The following LBP variants were observed in gnomAD, a reference collection of about 807,000 sequenced individuals.
LBP encodes the protein lipopolysaccharide-binding protein.
LBP carries 53 observed loss-of-function variants against 56.6 expected under a neutral mutation model. The observed-to-expected ratio is 0.94, with a 90% CI of 0.75 to 1.18. The LOEUF is 1.18. LBP is among the 50% of genes most tolerant of loss of function. The probability of loss-of-function intolerance (pLI) is 0.00; values close to 1 mark genes in which losing one functional copy is unlikely to be tolerated. For synonymous variants in LBP, 227 were observed against 247.5 expected, an observed-to-expected ratio of 0.92 and a Z score of 0.78; for missense variants, 601 against 598.3, an observed-to-expected ratio of 1.00 and a Z score of -0.05.
chr20:38,364,543 A>C (rs1198006149), intron 7 of LBP, 33 bp from the exon 8 acceptor site: 1 of 1,612,036 alleles, frequency 6.2e-7, no homozygotes, highest in South Asian at 1.1e-5. Flanking sequence ...ATAGGCTTTG[A>C]AAAGTCCAAT....
At chr20:38,352,517 G>A (rs1341204503) in intron 3 of LBP, among the ~76,000 whole-genome samples, 1 of 152,230 alleles carries the variant, frequency 6.6e-6, no homozygotes, top group Non-Finnish European at 1.5e-5. Flanking sequence ...CACTTTGGGA[G>A]GCTGAGGCAG....
intron 6 of LBP, among the ~76,000 whole-genome samples, chr20:38,361,097 G>A (rs1348702751): frequency 3.3e-5 from 5 of 151,686 alleles, no homozygotes; most frequent in African/African-American, 1.2e-4. Flanking sequence ...AGAAGGTGGA[G>A]GTTGCAGTGA....
chr20:38,371,524 G>T (rs1259569590), intron 12 of LBP, among the ~76,000 whole-genome samples: 1 of 152,140 alleles, frequency 6.6e-6, no homozygotes, highest in Non-Finnish European at 1.5e-5. Context: ...ATATAATTAA[G>T]TCATCTACTG....
chr20:38,348,824 C>G (rs6099236), intron 1 of LBP, among the ~76,000 whole-genome samples: 115,446 of 150,786 alleles, frequency 0.77, 44,374 homozygotes, highest in Admixed American at 0.82. Context: ...GACAGAGTCT[C>G]ACTCTGTCGC....
At position 38,355,389 on chromosome 20, in the gene LBP, C is replaced by T. The variant is rs776944833; in HGVS notation, c.568C>T (p.Gln190Ter). 5 of 1,613,748 alleles carry T rather than the reference C, an allele frequency of 3.1e-6. No individual in the cohort carries two copies. Among genetic ancestry groups the T allele is most frequent in the East Asian group, 4.5e-5 (2 of 44,876 alleles). ...LFHNQIESKF[Q>*]KVLESRICEM... is the part of the protein sequence containing the mutation. ...CCACAACCAGATTGAGTCCAAGTTC[C>T]AGAAAGTACTGGAGAGCAGGGTAAG... The change falls in exon 5 of 15, where the codon CAG (glutamine) becomes TAG (stop). Residue 190 changes from glutamine to a stop codon, truncating the protein, a stop_gained. Coordinates refer to ENST00000217407, the MANE Select transcript of LBP (RefSeq NM_004139.5). LOFTEE classifies it high-confidence loss of function.
intron 9 of LBP, 47 bp from the exon 10 acceptor site, chr20:38,368,948 C>T (rs773647428): frequency 1.3e-6 from 2 of 1,588,096 alleles, no homozygotes; most frequent in South Asian, 2.2e-5. Context: ...TCCTGGCAGA[C>T]TTGTATATTT....
intron 1 of LBP, among the ~76,000 whole-genome samples, chr20:38,348,118 G>A (rs2076807224): frequency 6.6e-6 from 1 of 152,184 alleles, no homozygotes; most frequent in African/African-American, 2.4e-5. Context: ...AGGGGAGGCT[G>A]CTGGTCATCT....
chr20:38,354,396 A>G lies in LBP; in HGVS notation c.481A>G (p.Ser161Gly). 1.9e-6 allele frequency: 3 copies of G among 1,613,442 alleles called. No homozygotes were observed. The highest frequency in any genetic ancestry group is 2.5e-6 in the Non-Finnish European group (3 of 1,179,920). Residue 161 changes from serine (S) to glycine (G), a missense_variant, in exon 4 of 15, where the codon AGT becomes GGT. Physicochemically the swap from Ser to Gly is moderately conservative, Grantham distance 56. Transcript: ENST00000217407. Reference protein sequence around the residue: ...RPTVTASSCSSDIADVEVDMS... With the variant: ...RPTVTASSCSGDIADVEVDMS... ...CACAGTTACTGCCTCCAGCTGCAGC[A>G]GTGACATCGCTGACGTGGAGGTGGA...
intron 8 of LBP, among the ~76,000 whole-genome samples, chr20:38,366,490 T>G (rs2076882386): frequency 6.6e-6 from 1 of 152,104 alleles, no homozygotes; most frequent in Non-Finnish European, 1.5e-5. Context: ...GATCACAAAG[T>G]CAGGACACAA....
chr20:38,355,337 T>C lies in LBP; in HGVS notation c.525-9T>C. 1.2e-6 allele frequency: 2 copies of C among 1,613,560 alleles called. No homozygotes were observed. Among genetic ancestry groups the C allele is most frequent in the Non-Finnish European group, 1.7e-6 (2 of 1,179,814 alleles). ...CAAGTTCAGTGGCAGACTGTGCTTC[T>C]CTCCCCAGGTGGCTGTTGAACCTCT... On this transcript the variant is annotated splice_polypyrimidine_tract_variant and intron_variant, in intron 4 of 14. Coordinates refer to ENST00000217407, the MANE Select transcript of LBP (RefSeq NM_004139.5).
Position 38,376,965 on chromosome 20 carries a change from A to G in LBP, c.*296A>G. On this transcript the variant is annotated 3_prime_UTR_variant, in exon 15 of 15. Coordinates refer to ENST00000217407, the MANE Select transcript of LBP (RefSeq NM_004139.5). ...TCGCCATCTGATCCCCATGCCTAGC[A>G]GAGTGCTGGCACTTAGTAGGTCCTC... The G allele has an allele frequency of 1.8e-6, 1 of 562,188 alleles. No homozygotes were observed. The highest frequency in any genetic ancestry group is 3.4e-6 in the Non-Finnish European group (1 of 295,554). The allele number at this position is 562,188 out of a possible 1,614,324, so 34.8% of individuals were successfully genotyped here. A position where few individuals can be genotyped will look rare whatever the true frequency, so the allele number is the denominator to read the frequency against.
chr20:38,355,097 A>G (rs915290673), intron 4 of LBP, among the ~76,000 whole-genome samples: 1 of 152,180 alleles, frequency 6.6e-6, no homozygotes, highest in African/African-American at 2.4e-5. Flanking sequence ...CCCCCGCAAA[A>G]GAAAAGAAAA....
chr20:38,356,860 C>CT (rs1046911976), intron 5 of LBP, among the ~76,000 whole-genome samples: 8 of 151,006 alleles, frequency 5.3e-5, no homozygotes, highest in Middle Eastern at 3.4e-3. Flanking sequence ...CTGGATCTCT[C>CT]TTTTTTTTTA....
At chr20:38,373,186 GAGGA>G in intron 13 of LBP, 51 bp downstream of exon 13, 1 of 1,499,334 alleles carries the variant, frequency 6.7e-7, no homozygotes, top group South Asian at 1.1e-5. Flanking sequence ...CTGCTGTCTG[GAGGA>G]AAGAGAGTTG....
chr20:38,359,349 T>A (rs779978568), intron 5 of LBP, among the ~76,000 whole-genome samples: 1 of 151,750 alleles, frequency 6.6e-6, no homozygotes, highest in African/African-American at 2.4e-5. Context: ...GGGAGGCCGA[T>A]GGGGGTGGAC....
At chr20:38,358,805 A>G (rs1170553369) in intron 5 of LBP, among the ~76,000 whole-genome samples, 1 of 152,218 alleles carries the variant, frequency 6.6e-6, no homozygotes, top group Non-Finnish European at 1.5e-5. Context: ...ATGTGGATTC[A>G]TTGCACAAGA....
intron 8 of LBP, 65 bp from the exon 9 acceptor site, chr20:38,366,704 A>G (rs2076883306): frequency 5.4e-6 from 8 of 1,475,540 alleles, no homozygotes; most frequent in East Asian, 2.3e-5. Flanking sequence ...TGTCTCCCCA[A>G]TCTTCTTTAG....
chr20:38,370,078 A>G (rs1253209830), intron 10 of LBP, among the ~76,000 whole-genome samples: 1 of 152,132 alleles, frequency 6.6e-6, no homozygotes, highest in Non-Finnish European at 1.5e-5. Flanking sequence ...TTTTAAATTA[A>G]AATATAATTT....
chr20:38,376,639 G>T lies in LBP; in HGVS notation c.1416G>T (p.Leu472Phe), dbSNP rs768916870. 1.2e-6 allele frequency: 2 copies of T among 1,613,990 alleles called. No homozygotes were observed. The highest frequency in any genetic ancestry group is 2.2e-5 in the South Asian group (2 of 91,070). Reference protein sequence around the residue: ...GLQIHKDFLFLGANVQYMRV With the variant: ...GLQIHKDFLFFGANVQYMRV ...GTTTTTCCTAGGACTTCCTGTTCTT[G>T]GGTGCCAATGTCCAATACATGAGAG... The change falls in exon 15 of 15, where the codon TTG becomes TTT. Residue 472 changes from leucine (L) to phenylalanine (F), a missense_variant. Physicochemically the swap from Leu to Phe is conservative, Grantham distance 22. Transcript: ENST00000217407.
Sources: allele counts gnomAD v4.1 joint callset (sites outside exome capture counted in the v4.1 genomes callset), GRCh38; gene constraint gnomAD v4.1.1; transcripts MANE v1.5; gene names NCBI Gene and HGNC (gene_info 2026-07-23, HGNC 2026-07-21).